Variants in AGFG1 observed in about 807,000 individuals in gnomAD.
AGFG1 encodes the protein arf-GAP domain and FG repeat-containing protein 1.
AGFG1 carries 10 observed loss-of-function variants against 60.6 expected under a neutral mutation model. The observed-to-expected ratio is 0.16, with a 90% CI of 0.10 to 0.28. The LOEUF (loss-of-function observed/expected upper bound fraction) is 0.28, where lower values mean the gene tolerates loss of function less well. AGFG1 is among the 10% of genes least tolerant of loss of function. The pLI is 1.00. For missense variants in AGFG1, 537 were observed against 676.5 expected (o/e 0.79, Z 2.29); for synonymous variants, 247 against 242.9 (o/e 1.02, Z -0.16).
At chr2:227,476,208 T>A (rs1690276492) in intron 1 of AGFG1, among the ~76,000 whole-genome samples, 1 of 152,210 alleles carries the variant, frequency 6.6e-6, no homozygotes, top group South Asian at 2.1e-4. Flanking sequence ...GATGAAGGCA[T>A]CCTAACTGAT....
intron 10 of AGFG1, among the ~76,000 whole-genome samples, chr2:227,543,449 A>G (rs377163396): frequency 4.6e-5 from 7 of 152,144 alleles, no homozygotes; most frequent in Admixed American, 4.6e-4. Context: ...TTCAGTTTCC[A>G]TGTAGTTTTG....
At chr2:227,501,051 C>T (rs1370502071) in intron 2 of AGFG1, among the ~76,000 whole-genome samples, 2 of 152,172 alleles carry the variant, frequency 1.3e-5, no homozygotes, top group African/African-American at 4.8e-5. Context: ...ACCTCAGCCT[C>T]TCAAAGTGCT....
chr2:227,543,666 T>C (rs1170295380), intron 10 of AGFG1, among the ~76,000 whole-genome samples: 2 of 152,194 alleles, frequency 1.3e-5, no homozygotes. Flanking sequence ...AGATGTCTAT[T>C]AGGTCTGCTT....
intron 2 of AGFG1, among the ~76,000 whole-genome samples, chr2:227,503,501 A>G (rs73083407): frequency 0.017 from 2,632 of 152,184 alleles, 79 homozygotes; most frequent in African/African-American, 0.06. Flanking sequence ...TATATGGTCT[A>G]CCTGATTGAG....
Position 227,523,921 on chromosome 2 carries a change from G to GTCA in AGFG1, c.537_539dup (p.Ser179_Gln180insHis), listed in dbSNP as rs1186979378. 2 of 1,612,752 alleles carry GTCA rather than the reference G, an allele frequency of 1.2e-6. No homozygotes were observed. Among genetic ancestry groups the GTCA allele is most frequent in the Admixed American group, 3.3e-5 (2 of 59,896 alleles). The stretch of plus-strand genomic sequence containing the variant: ...CTGCACTTAAATAAGGGCACACCTA[G>GTCA]TCAGGTGAGTAGTCTTTGAATCTTT... On this transcript the variant is annotated inframe_insertion, in exon 4 of 13. Transcript: ENST00000310078.
intron 1 of AGFG1, among the ~76,000 whole-genome samples, chr2:227,482,784 A>G (rs1002672310): frequency 2.0e-5 from 3 of 152,230 alleles, no homozygotes; most frequent in Non-Finnish European, 4.4e-5. Flanking sequence ...TGATGGACAT[A>G]TGGAATGAGC....
chr2:227,502,261 ATTC>A (rs1691180619), intron 2 of AGFG1, among the ~76,000 whole-genome samples: 1 of 152,180 alleles, frequency 6.6e-6, no homozygotes, highest in Admixed American at 6.5e-5. Context: ...TAATTTGTTC[ATTC>A]TTCTTTGTCA....
intron 2 of AGFG1, among the ~76,000 whole-genome samples, chr2:227,516,594 G>A (rs1691658911): frequency 6.6e-6 from 1 of 152,182 alleles, no homozygotes; most frequent in Non-Finnish European, 1.5e-5. Context: ...AACCACAGCA[G>A]TTAGTAAACA....
intron 5 of AGFG1, among the ~76,000 whole-genome samples, chr2:227,526,585 C>T (rs1692002160): frequency 1.7e-5 from 2 of 121,134 alleles, no homozygotes; most frequent in Admixed American, 1.0e-4. Flanking sequence ...CTCCCTTGTT[C>T]ACACTGGTGT....
At chr2:227,553,000 CAAAAAA>C (rs5839220) in intron 11 of AGFG1, among the ~76,000 whole-genome samples, 8 of 92,418 alleles carry the variant, frequency 8.7e-5, no homozygotes, top group African/African-American at 1.4e-4. Flanking sequence ...AATTCCATCT[CAAAAAA>C]AAAAAAAAAA....
intron 2 of AGFG1, among the ~76,000 whole-genome samples, chr2:227,497,608 T>C (rs1159135657): frequency 3.3e-5 from 5 of 152,210 alleles, no homozygotes; most frequent in Admixed American, 2.6e-4. Flanking sequence ...GTTTCTTCTG[T>C]ATTGGTCTTA....
chr2:227,526,511 TACAGGCATGAGCCAC>T (rs1691997879), intron 5 of AGFG1, among the ~76,000 whole-genome samples: 1 of 149,888 alleles, frequency 6.7e-6, no homozygotes, highest in African/African-American at 2.5e-5. Flanking sequence ...GTGCTGGGAT[TACAGGCATGAGCCAC>T]TGTGCCCAGC....
chr2:227,539,600 A>G (rs1692419553), intron 10 of AGFG1, among the ~76,000 whole-genome samples: 1 of 151,856 alleles, frequency 6.6e-6, no homozygotes, highest in Non-Finnish European at 1.5e-5. Flanking sequence ...TACAAAAAAT[A>G]AATGGTGGCA....
rs1690205852 is a variant in AGFG1, at chr2:227,474,010, G to A, written c.167+1422G>A. 4.6e-5 allele frequency among the ~76,000 whole-genome samples: 7 copies of A among 152,318 alleles called. No homozygotes were observed. The South Asian group carries it at 1.4e-3, about 32-fold the overall frequency. On this transcript the variant is annotated intron_variant, in intron 1 of 12. Transcript: ENST00000310078. Reference sequence around the variant, plus strand: ...AAGTACTATGCTGAACATGAAAATTGTTTGATAGGAGAGTGCTCATGGTTA... The same window carrying A: ...AAGTACTATGCTGAACATGAAAATTATTTGATAGGAGAGTGCTCATGGTTA...
chr2:227,525,560 C>T (rs1268330531), intron 5 of AGFG1, among the ~76,000 whole-genome samples: 1 of 152,200 alleles, frequency 6.6e-6, no homozygotes, highest in Non-Finnish European at 1.5e-5. Flanking sequence ...AGACATGTCT[C>T]TTAGGTCTCT....
intron 10 of AGFG1, among the ~76,000 whole-genome samples, chr2:227,541,735 A>G (rs1326384079): frequency 6.6e-6 from 1 of 152,164 alleles, no homozygotes; most frequent in East Asian, 1.9e-4. Context: ...CTGTGAAGAA[A>G]GTCATTGGTA....
chr2:227,512,316 A>G lies in AGFG1; in HGVS notation c.262-7632A>G, dbSNP rs921445591. ...AGATGTATGTAAATGCAAAACCATCAGTTTCTCTTGTATAAAGCACATGTG... is the reference window on the plus strand; with the variant it reads ...AGATGTATGTAAATGCAAAACCATCGGTTTCTCTTGTATAAAGCACATGTG... On this transcript the variant is annotated intron_variant, in intron 2 of 12. Transcript: ENST00000310078. Among the ~76,000 whole-genome samples the G allele has an allele frequency of 2.6e-5, 4 of 152,202 alleles. No individual in the cohort carries two copies. The South Asian group carries it at 8.3e-4, about 31-fold the overall frequency.
rs1693126078 is a variant in AGFG1 at position 227,561,114 on chromosome 2, G to T, written c.*6619G>T. 1 of 152,100 alleles carries T rather than the reference G, an allele frequency of 6.6e-6. No individual in the cohort carries two copies. The highest frequency in any genetic ancestry group is 1.5e-5 in the Non-Finnish European group (1 of 67,982). The allele number at this position is 152,100 out of a possible 1,614,324, so 9.4% of individuals were successfully genotyped here. Reference sequence around the variant, plus strand: ...CAGGCTGTTTTCAATATTCATTTCTGAAATACTTTAGTATGATAGATAAAT... The same window carrying T: ...CAGGCTGTTTTCAATATTCATTTCTTAAATACTTTAGTATGATAGATAAAT... On this transcript the variant is annotated 3_prime_UTR_variant, in exon 13 of 13. Coordinates refer to ENST00000310078, the MANE Select transcript of AGFG1 (RefSeq NM_004504.5).
intron 10 of AGFG1, among the ~76,000 whole-genome samples, chr2:227,541,544 A>G (rs1047999281): frequency 1.8e-4 from 28 of 152,208 alleles, no homozygotes; most frequent in Non-Finnish European, 3.4e-4. Context: ...GTTCTGTTCC[A>G]TTGGTCTATA....
Sources: allele counts gnomAD v4.1 joint callset (sites outside exome capture counted in the v4.1 genomes callset), GRCh38; gene constraint gnomAD v4.1.1; transcripts MANE v1.5; gene names NCBI Gene and HGNC (gene_info 2026-07-23, HGNC 2026-07-21).